ABCC9: variants seen among roughly 807,000 people sequenced by gnomAD.
The protein encoded by ABCC9 is ATP-binding cassette sub-family C member 9.
A neutral mutation model predicts 188.3 loss-of-function variants in ABCC9; 95 were observed. That is an observed-to-expected ratio of 0.50 (90% CI 0.43 to 0.60). ABCC9 has a LOEUF of 0.60. ABCC9 is among the 20% of genes least tolerant of loss of function. The pLI, the probability that ABCC9 is intolerant of heterozygous loss-of-function variation, is 0.00. For missense variants in ABCC9, 1,102 were observed against 1,876.3 expected (o/e 0.59, Z 7.62); for synonymous variants, 659 against 652.7 (o/e 1.01, Z -0.15).
At chr12:21,812,657 C>A (rs1942324635) in intron 35 of ABCC9, among the ~76,000 whole-genome samples, 1 of 151,942 alleles carries the variant, frequency 6.6e-6, no homozygotes, top group Non-Finnish European at 1.5e-5. Context: ...AATGAGAACA[C>A]ATGGACACAG....
At chr12:21,878,655 A>G (rs1017343624) in intron 16 of ABCC9, among the ~76,000 whole-genome samples, 13 of 152,298 alleles carry the variant, frequency 8.5e-5, no homozygotes, top group Admixed American at 7.2e-4. Flanking sequence ...CTGATAATAG[A>G]TGTGAAAACA....
intron 10 of ABCC9, 101 bp from the exon 11 acceptor site, chr12:21,908,312 T>G: frequency 1.4e-6 from 2 of 1,392,262 alleles, no homozygotes; most frequent in Non-Finnish European, 2.0e-6. Flanking sequence ...TTCTTAATTA[T>G]TATATTGTTT....
intron 5 of ABCC9, among the ~76,000 whole-genome samples, chr12:21,920,755 C>T (rs934480955): frequency 6.6e-6 from 1 of 152,046 alleles, no homozygotes; most frequent in Admixed American, 6.6e-5. Flanking sequence ...TCATTCTACT[C>T]TCTATCTCCA....
Position 21,852,454 on chromosome 12 carries a change from C to T in ABCC9, c.2557G>A (p.Glu853Lys), listed in dbSNP as rs1207537871. The T allele has an allele frequency of 6.8e-6, 11 of 1,613,558 alleles. No individual in the cohort carries two copies. The highest frequency in any genetic ancestry group is 9.3e-6 in the Non-Finnish European group (11 of 1,179,952). The change falls in exon 23 of 40, where the codon GAG (glutamate) becomes AAG (lysine). Residue 853 changes from glutamate to lysine, a missense_variant. Around this residue, in one of 12 missense-constraint regions of ABCC9, gnomAD observed 31 missense variants for 78.8 expected, o/e 0.39. Coordinates refer to ENST00000261200, the MANE Select transcript of ABCC9 (RefSeq NM_020297.4). ...DIHLSDHLMQ[E>K]GILKFLQDDK... is the part of the protein sequence containing the mutation. Reference sequence around the variant, plus strand: ...TCTTGCAGGAATTTCAAAATCCCCTCCTGCATTAAATGATCACTCAAGTGA... The same window carrying T: ...TCTTGCAGGAATTTCAAAATCCCCTTCTGCATTAAATGATCACTCAAGTGA...
At chr12:21,806,616 T>G (rs1380036100) in intron 38 of ABCC9, among the ~76,000 whole-genome samples, 3 of 152,178 alleles carry the variant, frequency 2.0e-5, no homozygotes, top group Non-Finnish European at 2.9e-5. Flanking sequence ...GTTCTTTCTT[T>G]CAATCATTTA....
intron 16 of ABCC9, among the ~76,000 whole-genome samples, chr12:21,879,071 A>T (rs1023813840): frequency 3.3e-5 from 5 of 152,192 alleles, no homozygotes; most frequent in Non-Finnish European, 5.9e-5. Flanking sequence ...GTACATCACT[A>T]GGGGATAAGT....
chr12:21,816,032 G>T, intron 33 of ABCC9, 139 bp from the exon 34 acceptor site: 2 of 107,492 alleles, frequency 1.9e-5, no homozygotes, highest in Non-Finnish European at 3.4e-5. Flanking sequence ...CAAACTATGT[G>T]GCAGTTTTTT....
intron 1 of ABCC9, among the ~76,000 whole-genome samples, 165 bp from the exon 2 acceptor site, chr12:21,940,990 C>T (rs1949662602): frequency 6.6e-6 from 1 of 152,152 alleles, no homozygotes; most frequent in Non-Finnish European, 1.5e-5. Flanking sequence ...TGAAGTAAAA[C>T]TGGAAACCTG....
intron 4 of ABCC9, among the ~76,000 whole-genome samples, chr12:21,928,116 G>A (rs1419412692): frequency 6.6e-6 from 1 of 151,680 alleles, no homozygotes; most frequent in Non-Finnish European, 1.5e-5. Context: ...GCTACTTGGG[G>A]GACTGAGGCA....
intron 18 of ABCC9, among the ~76,000 whole-genome samples, chr12:21,870,579 A>C (rs532858085): frequency 1.2e-3 from 182 of 152,280 alleles, no homozygotes; most frequent in African/African-American, 4.3e-3. Context: ...GCTCTCTCCA[A>C]AAAGAGAAAA....
chr12:21,859,253 T>G (rs1945383909), intron 22 of ABCC9, among the ~76,000 whole-genome samples: 1 of 152,178 alleles, frequency 6.6e-6, no homozygotes, highest in African/African-American at 2.4e-5. Context: ...TGGCTTTTTT[T>G]CTTTGCCATC....
rs1409162514 is a variant in ABCC9, at chr12:21,910,844, G to T, written c.1146C>A (p.Asn382Lys). 1 of 1,612,172 alleles carries T rather than the reference G, an allele frequency of 6.2e-7. No homozygotes were observed. Among genetic ancestry groups the T allele is most frequent in the African/African-American group, 1.3e-5 (1 of 74,942 alleles). ...TACATACCAGCAGAGCTCCACGGAG[G>T]TTAATGCCAGTCTCTATGGTTACAT... is the stretch of plus-strand genomic sequence containing the variant. ...SYYVTIETGINLRGALLAMIY... is the reference protein window; with the variant it reads ...SYYVTIETGIKLRGALLAMIY... The change falls in exon 9 of 40, where the codon AAC (asparagine) becomes AAA (lysine). Residue 382 changes from asparagine to lysine, a missense_variant. Coordinates refer to ENST00000261200, the MANE Select transcript of ABCC9 (RefSeq NM_020297.4).
chr12:21,912,818 T>C, intron 8 of ABCC9, 54 bp downstream of exon 8: 1 of 1,574,872 alleles, frequency 6.3e-7, no homozygotes. Context: ...AAAGTGACAA[T>C]TACAATGAAA....
chr12:21,906,105 C>A, intron 12 of ABCC9, 21 bp downstream of exon 12: 2 of 1,612,158 alleles, frequency 1.2e-6, no homozygotes, highest in Non-Finnish European at 1.7e-6. Flanking sequence ...GTCGCCTGTT[C>A]TTAGAGCAAC....
Position 21,797,615 on chromosome 12 carries a change from C to T in ABCC9, c.*3429G>A, listed in dbSNP as rs1358268369. Reference sequence around the variant, plus strand: ...AATCAACCCTACTGTGGGTTAGGCACTTGTATTAAATTCCAAGGGCACAAT... The same window carrying T: ...AATCAACCCTACTGTGGGTTAGGCATTTGTATTAAATTCCAAGGGCACAAT... On this transcript the variant is annotated 3_prime_UTR_variant, in exon 40 of 40. Transcript: ENST00000261200. 1 of 152,090 alleles carries T rather than the reference C, an allele frequency of 6.6e-6. No homozygotes were observed. The highest frequency in any genetic ancestry group is 2.1e-4 in the South Asian group (1 of 4,826). 9.4% of individuals were successfully genotyped at this position (152,090 alleles called of 1,614,324 possible).
chr12:21,820,096 C>A (rs1188421531), intron 31 of ABCC9, among the ~76,000 whole-genome samples: 1 of 152,064 alleles, frequency 6.6e-6, no homozygotes, highest in Non-Finnish European at 1.5e-5. Flanking sequence ...TTCCTTTCAG[C>A]CAGTTTGTGT....
chr12:21,901,696 A>G (rs1947759598), intron 12 of ABCC9, among the ~76,000 whole-genome samples: 1 of 152,220 alleles, frequency 6.6e-6, no homozygotes, highest in African/African-American at 2.4e-5. Flanking sequence ...CAAGATCAAA[A>G]GAGACAAAGA....
rs946359309 is a variant in ABCC9 at position 21,811,606 on chromosome 12, C to G, written c.4211+443G>C. Among the ~76,000 whole-genome samples, 8 of 151,904 alleles carry G rather than the reference C, an allele frequency of 5.3e-5. No individual in the cohort carries two copies. In the East Asian group the frequency reaches 5.8e-4, roughly 11 times the overall value. On this transcript the variant is annotated intron_variant, in intron 36 of 39. Transcript: ENST00000261200. The stretch of plus-strand genomic sequence containing the variant: ...CGCCCTTTTTTTTTTGGTGGGAAAC[C>G]CTGAACCAGGTATGAAGACTGTAGC...
chr12:21,895,173 A>G, intron 13 of ABCC9, 102 bp downstream of exon 13: 1 of 1,022,800 alleles, frequency 9.8e-7, no homozygotes, highest in Admixed American at 1.8e-5. Context: ...GAGAAGTCAC[A>G]GAGGTGAGGT....
Sources: allele counts gnomAD v4.1 joint callset (sites outside exome capture counted in the v4.1 genomes callset), GRCh38; gene constraint gnomAD v4.1.1; regional missense constraint gnomAD v4.1.1; transcripts MANE v1.5; gene names NCBI Gene and HGNC (gene_info 2026-07-23, HGNC 2026-07-21).